The following LAIR1 variants were observed in gnomAD, a reference collection of about 807,000 sequenced individuals.
LAIR1 encodes the protein leukocyte associated immunoglobulin like receptor 1.
A neutral mutation model predicts 32.8 loss-of-function variants in LAIR1; 24 were observed. The observed-to-expected ratio is 0.73, with a 90% CI of 0.53 to 1.03. The LOEUF is 1.03. LAIR1 is among the 50% of genes least tolerant of loss of function. The pLI is 0.00. For synonymous variants in LAIR1, 150 were observed against 140.5 expected, an observed-to-expected ratio of 1.07 and a Z score of -0.48; for missense variants, 355 against 347.5, an observed-to-expected ratio of 1.02 and a Z score of -0.17.
chr19:54,375,244 A>G (rs1160507969), upstream of LAIR1, among the ~76,000 whole-genome samples: 8 of 151,172 alleles, frequency 5.3e-5, no homozygotes, highest in East Asian at 2.0e-4. Context: ...TGTCTTCCCC[A>G]CCTCCCAGCC....
chr19:54,356,879 C>T, intron 5 of LAIR1, 49 bp downstream of exon 5: 1 of 1,607,304 alleles, frequency 6.2e-7, no homozygotes, highest in East Asian at 2.2e-5. Context: ...CTTTCTCCTT[C>T]CCCAAGAGGC....
chr19:54,368,396 A>ACTTC, upstream of LAIR1: 1 of 152,328 alleles, frequency 6.6e-6, no homozygotes, highest in African/African-American at 2.4e-5. Flanking sequence ...GCTCCTGAGA[A>ACTTC]TGACTTTCCT....
upstream of LAIR1, among the ~76,000 whole-genome samples, chr19:54,374,006 G>A (rs887189343): frequency 6.6e-6 from 1 of 152,188 alleles, no homozygotes; most frequent in African/African-American, 2.4e-5. Flanking sequence ...ACACAATGAT[G>A]CAACAAGACC....
upstream of LAIR1, among the ~76,000 whole-genome samples, chr19:54,372,309 C>CAT (rs1372667463): frequency 0.076 from 11,533 of 151,028 alleles, 1,822 homozygotes; most frequent in African/African-American, 0.27. Flanking sequence ...GTATTGTCTG[C>CAT]GTTTTAGAAT....
At position 54,356,605 on chromosome 19, in the gene LAIR1, G is replaced by C. The variant is rs1458436120; in HGVS notation, c.469C>G (p.Gln157Glu). 1.2e-6 allele frequency: 2 copies of C among 1,613,732 alleles called. No homozygotes were observed. Among genetic ancestry groups the C allele is most frequent in the Admixed American group, 3.3e-5 (2 of 59,998 alleles). The change falls in exon 6 of 10, where the codon CAA becomes GAA. Residue 157 changes from glutamine (Q) to glutamate (E), a missense_variant. By Grantham distance (29) the Gln-to-Glu change is conservative. Transcript: ENST00000391742. ...TACAGATGCTCAGCTTTCAGGCCTT[G>C]GGAAGCAGGTGCATCTAAGAAAGAC... ...NSHNEHAPASQGLKAEHLYIL... is the reference protein window; with the variant it reads ...NSHNEHAPASEGLKAEHLYIL...
At position 54,356,558 on chromosome 19, in the gene LAIR1, C is replaced by G; in HGVS notation, c.516G>C (p.Val172=). The part of the protein sequence containing the change: ...EHLYILIGVS[V]VFLFCLLLLV... Reference sequence around the variant, plus strand: ...GGAGGAGGAGACAGAAGAGGAAGACCACTGAGACCCCGATGAGAATATACA... The same window carrying G: ...GGAGGAGGAGACAGAAGAGGAAGACGACTGAGACCCCGATGAGAATATACA... Residue 172 remains valine (V), a synonymous_variant, in exon 6 of 10, where the codon GTG becomes GTC. Coordinates refer to ENST00000391742, the MANE Select transcript of LAIR1 (RefSeq NM_002287.6). 1.2e-6 allele frequency: 2 copies of G among 1,613,892 alleles called. No individual in the cohort carries two copies.
chr19:54,372,714 TCC>T (rs2082436921), upstream of LAIR1, among the ~76,000 whole-genome samples: 1 of 150,730 alleles, frequency 6.6e-6, no homozygotes, highest in African/African-American at 2.5e-5. Flanking sequence ...GGTCTCGGAC[TCC>T]TGACCTCGTG....
In LAIR1 at chr19:54,364,915, G is replaced by A. The variant is rs2082201793; in HGVS notation, c.-111C>T. On this transcript the variant is annotated 5_prime_UTR_variant, in exon 1 of 10. Coordinates refer to ENST00000391742, the MANE Select transcript of LAIR1 (RefSeq NM_002287.6). This position sits in a 1 kb window ranked among gnomAD's most constrained non-coding sequence, Gnocchi z 4.8. The stretch of plus-strand genomic sequence containing the variant: ...GCTGCCCGGGGGCCTCCTGCCTATG[G>A]GGCTTCCACAGCAACTGCCTCACAC... 7 of 1,599,172 alleles carry A rather than the reference G, an allele frequency of 4.4e-6. No homozygotes were observed. Among genetic ancestry groups the A allele is most frequent in the East Asian group, 2.3e-5 (1 of 44,242 alleles).
In LAIR1 at chr19:54,356,492, C is replaced by G. The variant is rs756062507; in HGVS notation, c.582G>C (p.Gln194His). Residue 194 changes from glutamine (Q) to histidine (H), a missense_variant and splice_region_variant, in exon 6 of 10, where the codon CAG (glutamine) becomes CAC (histidine). Coordinates refer to ENST00000391742, the MANE Select transcript of LAIR1 (RefSeq NM_002287.6). ...CCCCACCCTGCCCCTGAGACCTACC[C>G]TGCTTTATCTGATTCTGGCGATGGA... ...FCLHRQNQIK[Q>H]GPPRSKDEEQ... is the part of the protein sequence containing the mutation. The G allele has an allele frequency of 6.2e-7, 1 of 1,614,008 alleles. No homozygotes were observed. The highest frequency in any genetic ancestry group is 1.7e-4 in the Middle Eastern group (1 of 6,060).
rs775043928 is a variant in LAIR1 at position 54,361,167 on chromosome 19, A to G, written c.113T>C (p.Val38Ala). The change falls in exon 3 of 10, where the codon GTG becomes GCG. Residue 38 changes from valine to alanine, a missense_variant. Coordinates refer to ENST00000391742, the MANE Select transcript of LAIR1 (RefSeq NM_002287.6). ...RPSISAEPGT[V>A]IPLGSHVTFV... Reference sequence around the variant, plus strand: ...AGTCACATGGCTCCCCAGGGGGATCACGGTGCCTGGCTCAGCCGAGATGGA... The same window carrying G: ...AGTCACATGGCTCCCCAGGGGGATCGCGGTGCCTGGCTCAGCCGAGATGGA... 6.2e-7 allele frequency: 1 copy of G among 1,614,182 alleles called. No individual in the cohort carries two copies. Among genetic ancestry groups the G allele is most frequent in the East Asian group, 2.2e-5 (1 of 44,874 alleles).
chr19:54,355,328 G>C lies in LAIR1; in HGVS notation c.804C>G (p.Ser268=), dbSNP rs1048503323. ...CGGCCATGGGCTTTGTGGACTGTGG[G>C]GACACAGCCCGGGCTGTCCTCTGTG... ...ALTQRTARAV[S]PQSTKPMAES... The change falls in exon 10 of 10, where the codon TCC becomes TCG. Residue 268 remains serine, a synonymous_variant. Transcript: ENST00000391742. The surrounding 1 kb of genome is among the most constrained non-coding windows in gnomAD (Gnocchi z 4.7). The C allele has an allele frequency of 1.2e-6, 2 of 1,613,320 alleles. No homozygotes were observed. The highest frequency in any genetic ancestry group is 1.7e-6 in the Non-Finnish European group (2 of 1,179,646).
chr19:54,363,303 A>G (rs10413584), intron 2 of LAIR1, among the ~76,000 whole-genome samples: 50,496 of 150,798 alleles, frequency 0.33, 8,828 homozygotes, highest in East Asian at 0.41. Flanking sequence ...GGACTGGGTG[A>G]CATGGTGCAT....
chr19:54,370,802 T>A (rs1475154904), upstream of LAIR1, among the ~76,000 whole-genome samples: 1 of 150,974 alleles, frequency 6.6e-6, no homozygotes, highest in Non-Finnish European at 1.5e-5. Flanking sequence ...CCTTACTCCC[T>A]AATTAGTGCC....
upstream of LAIR1, among the ~76,000 whole-genome samples, chr19:54,374,963 A>G (rs2082475487): frequency 6.6e-6 from 1 of 151,994 alleles, no homozygotes; most frequent in South Asian, 2.1e-4. Context: ...CTCCAAGAAG[A>G]CAGACCCTCA....
At position 54,355,980 on chromosome 19, in the gene LAIR1, C is replaced by T. The variant is rs2081680591; in HGVS notation, c.691G>A (p.Glu231Lys). The T allele has an allele frequency of 3.7e-6, 6 of 1,610,110 alleles. No homozygotes were observed. The highest frequency in any genetic ancestry group is 5.1e-6 in the Non-Finnish European group (6 of 1,176,258). ...GAGGTGTCCGTCTCTCTGTCCTTCT[C>T]AGGAAGTCCATTGACTGTGGCCTTG... is the stretch of plus-strand genomic sequence containing the variant. ...ADKATVNGLP[E>K]KDRETDTSAL... Residue 231 changes from glutamate to lysine, a missense_variant, in exon 9 of 10, where the codon GAG becomes AAG. Coordinates refer to ENST00000391742, the MANE Select transcript of LAIR1 (RefSeq NM_002287.6). The surrounding 1 kb of genome is among the most constrained non-coding windows in gnomAD (Gnocchi z 4.7).
chr19:54,356,721 A>C (rs1458097839), intron 5 of LAIR1, 102 bp from the exon 6 acceptor site: 13 of 1,269,028 alleles, frequency 1.0e-5, no homozygotes, highest in South Asian at 5.0e-5. Context: ...CTAATATATA[A>C]AATATCTTAG....
chr19:54,375,780 T>C, the LAIR1 span, among the ~76,000 whole-genome samples: 1 of 151,864 alleles, frequency 6.6e-6, no homozygotes, highest in Non-Finnish European at 1.5e-5. Flanking sequence ...CTTGAGTCTG[T>C]GTCAGAGACG....
rs1437734931 is a variant in LAIR1, at chr19:54,355,307, C to T, written c.825G>A (p.Met275Ile). The part of the protein sequence containing the change: ...RAVSPQSTKP[M>I]AESITYAAVA... ...CGGCTGCATACGTGATGGACTCGGC[C>T]ATGGGCTTTGTGGACTGTGGGGACA... The change falls in exon 10 of 10, where the codon ATG (methionine) becomes ATA (isoleucine). Residue 275 changes from methionine (M) to isoleucine (I), a missense_variant. By Grantham distance (10) the Met-to-Ile change is conservative. Coordinates refer to ENST00000391742, the MANE Select transcript of LAIR1 (RefSeq NM_002287.6). The surrounding 1 kb of genome is among the most constrained non-coding windows in gnomAD (Gnocchi z 4.7). 4.3e-6 allele frequency: 7 copies of T among 1,612,774 alleles called. No individual in the cohort carries two copies. The South Asian group carries it at 6.6e-5, about 15-fold the overall frequency.
At chr19:54,373,445 AAAAT>A (rs113900216), upstream of LAIR1, among the ~76,000 whole-genome samples, 1 of 152,028 alleles carries the variant, frequency 6.6e-6, no homozygotes, top group African/African-American at 2.4e-5. Context: ...CTCCGTCTCA[AAAAT>A]AAATAAATAA....
Sources: allele counts gnomAD v4.1 joint callset (sites outside exome capture counted in the v4.1 genomes callset), GRCh38; gene constraint gnomAD v4.1.1; non-coding constraint Gnocchi (gnomAD v3.1); transcripts MANE v1.5; gene names NCBI Gene and HGNC (gene_info 2026-07-23, HGNC 2026-07-21).